GRXCR2: variants seen among roughly 807,000 people sequenced by gnomAD.
The protein encoded by GRXCR2 is glutaredoxin domain-containing cysteine-rich protein 2.
A neutral mutation model predicts 24.8 loss-of-function variants in GRXCR2; 23 were observed. The ratio of observed to expected loss-of-function variants is 0.93; its 90% CI spans 0.67 to 1.32. GRXCR2 has a LOEUF of 1.32. Ranked by LOEUF, GRXCR2 falls within the 40% of genes most tolerant of loss-of-function variation. GRXCR2 has a pLI of 0.00. For missense variants in GRXCR2, 315 were observed against 303.4 expected (o/e 1.04, Z -0.28); for synonymous variants, 130 against 116.1 (o/e 1.12, Z -0.77).
At chr5:145,881,732 A>G (rs1317039858) in intron 2 of GRXCR2, among the ~76,000 whole-genome samples, 2 of 152,214 alleles carry the variant, frequency 1.3e-5, no homozygotes, top group African/African-American at 2.4e-5. Context: ...AGCAAAAAGA[A>G]CAAAACTGGA....
At chr5:145,913,754 C>A (rs1173079879) in intron 2 of GRXCR2, among the ~76,000 whole-genome samples, 1 of 152,072 alleles carries the variant, frequency 6.6e-6, no homozygotes, top group African/African-American at 2.4e-5. Context: ...AACTCCTGGG[C>A]TCAAGTGATC....
chr5:145,866,786 G>T (rs982566857), intron 1 of GRXCR2, 58 bp from the exon 2 acceptor site: 1 of 1,080,858 alleles, frequency 9.3e-7, no homozygotes, highest in Non-Finnish European at 1.4e-6. Context: ...GTAGAGGGCT[G>T]CAGAACCTGT....
At chr5:145,868,244 A>G (rs1756468362) in intron 1 of GRXCR2, among the ~76,000 whole-genome samples, 1 of 152,184 alleles carries the variant, frequency 6.6e-6, no homozygotes, top group South Asian at 2.1e-4. Flanking sequence ...CAATCATACT[A>G]CACAACTCAA....
chr5:145,902,412 T>C (rs1757036793), intron 2 of GRXCR2, among the ~76,000 whole-genome samples: 1 of 152,152 alleles, frequency 6.6e-6, no homozygotes, highest in Non-Finnish European at 1.5e-5. Context: ...CCAAACTAGT[T>C]CTTTATAAAC....
intron 2 of GRXCR2, among the ~76,000 whole-genome samples, chr5:145,879,553 A>T (rs546865549): frequency 6.6e-6 from 1 of 152,364 alleles, no homozygotes; most frequent in Non-Finnish European, 1.5e-5. Context: ...TTGATAAAGC[A>T]AGTCCTTAGA....
At chr5:145,886,204 T>C (rs950977107) in intron 2 of GRXCR2, among the ~76,000 whole-genome samples, 1 of 152,234 alleles carries the variant, frequency 6.6e-6, no homozygotes, top group African/African-American at 2.4e-5. Flanking sequence ...GTGTTGGTTC[T>C]CTAAGCTCTG....
chr5:145,929,070 A>G (rs1757443705), intron 2 of GRXCR2, among the ~76,000 whole-genome samples: 1 of 151,388 alleles, frequency 6.6e-6, no homozygotes. Flanking sequence ...ATATATATGT[A>G]TATGTGTGTA....
chr5:145,920,257 G>A (rs987899939), intron 2 of GRXCR2, among the ~76,000 whole-genome samples: 2 of 152,116 alleles, frequency 1.3e-5, no homozygotes, highest in Admixed American at 6.5e-5. Context: ...TGTCCTCAAC[G>A]TGTGGTCCTG....
chr5:145,868,436 A>C (rs765454831), intron 1 of GRXCR2, among the ~76,000 whole-genome samples: 4 of 152,186 alleles, frequency 2.6e-5, no homozygotes, highest in Non-Finnish European at 4.4e-5. Flanking sequence ...TTATTTATTA[A>C]GCCACAAGCT....
At chr5:145,902,164 T>C (rs1236345209) in intron 2 of GRXCR2, among the ~76,000 whole-genome samples, 1 of 152,128 alleles carries the variant, frequency 6.6e-6, no homozygotes, top group Non-Finnish European at 1.5e-5. Flanking sequence ...GCTGTGATTA[T>C]AGCTCTCTGC....
At chr5:145,879,255 G>T (rs1241457403) in intron 2 of GRXCR2, among the ~76,000 whole-genome samples, 1 of 151,574 alleles carries the variant, frequency 6.6e-6, no homozygotes, top group Non-Finnish European at 1.5e-5. Context: ...TGGCAAATTG[G>T]ATAAAGAGTC....
intron 2 of GRXCR2, among the ~76,000 whole-genome samples, chr5:145,880,521 T>G (rs769488951): frequency 6.6e-6 from 1 of 152,084 alleles, no homozygotes; most frequent in Non-Finnish European, 1.5e-5. Context: ...TAACAGACTC[T>G]GAAATTGAGG....
In GRXCR2 at chr5:145,895,898, T is replaced by A. The variant is rs375004387; in HGVS notation, c.-69-29170A>T. 5.7e-4 allele frequency among the ~76,000 whole-genome samples: 87 copies of A among 152,280 alleles called. 3 individuals carry two copies. The South Asian group carries it at 0.017, about 30-fold the overall frequency. ...TTCAAACTATACTACAAGGCTACAG[T>A]AACCAAAACAGCATGGTACTGGTAC... On this transcript the variant is annotated intron_variant, in intron 2 of 3. Transcript: ENST00000639411.
chr5:145,881,209 G>T (rs1756696220), intron 2 of GRXCR2, among the ~76,000 whole-genome samples: 1 of 152,318 alleles, frequency 6.6e-6, no homozygotes, highest in African/African-American at 2.4e-5. Context: ...GAAATAAAGG[G>T]TATTCAATTA....
At chr5:145,919,331 A>G (rs188212731) in intron 2 of GRXCR2, among the ~76,000 whole-genome samples, 146 of 152,304 alleles carry the variant, frequency 9.6e-4, no homozygotes, top group African/African-American at 3.4e-3. Context: ...AGAAACCACA[A>G]TTGTTATTTA....
At chr5:145,866,784 C>A in intron 1 of GRXCR2, 56 bp from the exon 2 acceptor site, 1 of 1,077,696 alleles carries the variant, frequency 9.3e-7, no homozygotes, top group Admixed American at 1.8e-5. Flanking sequence ...AAGTAGAGGG[C>A]TGCAGAACCT....
At chr5:145,870,625 A>G (rs1374284288) in intron 1 of GRXCR2, among the ~76,000 whole-genome samples, 1 of 152,174 alleles carries the variant, frequency 6.6e-6, no homozygotes, top group Non-Finnish European at 1.5e-5. Flanking sequence ...CTCATAGCCA[A>G]TATTTACTAG....
chr5:145,912,344 G>T (rs1048708000), intron 2 of GRXCR2, among the ~76,000 whole-genome samples: 1 of 152,108 alleles, frequency 6.6e-6, no homozygotes. Context: ...GGGGTTCTTA[G>T]CCCTGACCAG....
At chr5:145,930,256 T>C (rs1757460997) in intron 2 of GRXCR2, among the ~76,000 whole-genome samples, 1 of 152,064 alleles carries the variant, frequency 6.6e-6, no homozygotes, top group South Asian at 2.1e-4. Context: ...AGCTAATCTT[T>C]GTATTTTTAG....
Sources: gnomAD v4.1 joint callset for allele counts (sites outside exome capture counted in the v4.1 genomes callset) on GRCh38, gnomAD v4.1.1 for gene constraint, MANE v1.5 for transcripts, NCBI Gene and HGNC (gene_info 2026-07-23, HGNC 2026-07-21) for gene names.